Variants in DEPDC5 observed in about 807,000 individuals in gnomAD.
DEPDC5 encodes the protein GATOR1 complex protein DEPDC5.
A neutral mutation model predicts 217.3 loss-of-function variants in DEPDC5; 73 were observed. The ratio of observed to expected loss-of-function variants is 0.34; its 90% CI spans 0.28 to 0.41. The LOEUF is 0.41. DEPDC5 is among the 10% of genes least tolerant of loss of function. The probability of loss-of-function intolerance (pLI) is 1.00; values close to 1 mark genes in which losing one functional copy is unlikely to be tolerated. For synonymous variants in DEPDC5, 733 were observed against 756.7 expected (o/e 0.97, Z 0.51); for missense variants, 1,675 against 2,070.1 (o/e 0.81, Z 3.70).
intron 22 of DEPDC5, among the ~76,000 whole-genome samples, chr22:31,819,443 G>C (rs952786954): frequency 6.6e-6 from 1 of 151,476 alleles, no homozygotes; most frequent in Non-Finnish European, 1.5e-5. Flanking sequence ...AAACCTGAGG[G>C]CTTTTTTGTT....
In DEPDC5 at chr22:31,879,665, C is replaced by G. The variant is rs755051459; in HGVS notation, c.3946C>G (p.Leu1316Val). Residue 1316 changes from leucine to valine, a missense_variant, in exon 38 of 43, where the codon CTG (leucine) becomes GTG (valine). Around this residue, in one of 11 missense-constraint regions of DEPDC5, gnomAD observed 182 missense variants for 290.1 expected, o/e 0.63. Transcript: ENST00000651528. ...GATTCCTGCCTTTCTCCTGCCCTGG[C>G]TGCCTAGCCGGCCAGCCTCCTATGC... is the stretch of plus-strand genomic sequence containing the variant. ...SEIPAFLLPW[L>V]PSRPASYASR... 1.7e-5 allele frequency: 28 copies of G among 1,614,058 alleles called. No individual in the cohort carries two copies. The highest frequency in any genetic ancestry group is 2.3e-5 in the Non-Finnish European group (27 of 1,180,038).
chr22:31,860,831 A>G (rs1199469704), intron 32 of DEPDC5, among the ~76,000 whole-genome samples: 2 of 151,990 alleles, frequency 1.3e-5, no homozygotes, highest in Admixed American at 1.3e-4. Context: ...AGTAACAGGC[A>G]GAAAAAACCT....
intron 35 of DEPDC5, chr22:31,873,789 CTT>C (rs796650383): frequency 6.3e-4 from 72 of 114,710 alleles, no homozygotes; most frequent in South Asian, 2.3e-3. Context: ...ACAACTTCTT[CTT>C]TTTTTTTTTT....
rs201429774 is a variant in DEPDC5, at chr22:31,792,798, T to G, written c.748T>G (p.Phe250Val). 87 of 1,541,140 alleles carry G rather than the reference T, an allele frequency of 5.6e-5. 1 individual carries two copies. In the African/African-American group the frequency reaches 1.0e-3, roughly 19 times the overall value. ...AATTCGACAGGATCACAAGGGGAGA[T>G]TCTATGAAGACTTTTACAAGTATGT... ...ASIRQDHKGRFYEDFYKVVVQ... is the reference protein window; with the variant it reads ...ASIRQDHKGRVYEDFYKVVVQ... The change falls in exon 12 of 43, where the codon TTC becomes GTC. Residue 250 changes from phenylalanine to valine, a missense_variant. By Grantham distance (50) the Phe-to-Val change is conservative. Around this residue, in one of 11 missense-constraint regions of DEPDC5, gnomAD observed 628 missense variants for 762.1 expected, o/e 0.82. Coordinates refer to ENST00000651528, the MANE Select transcript of DEPDC5 (RefSeq NM_001242896.3).
At position 31,821,611 on chromosome 22, in the gene DEPDC5, G is replaced by A; in HGVS notation, c.1980G>A (p.Glu660=). 1.2e-6 allele frequency: 2 copies of A among 1,613,986 alleles called. No individual in the cohort carries two copies. The highest frequency in any genetic ancestry group is 1.7e-6 in the Non-Finnish European group (2 of 1,179,820). The change falls in exon 23 of 43, where the codon GAG becomes GAA. Residue 660 remains glutamate (E), a synonymous_variant. Transcript: ENST00000651528. ...DPTHSSAELL[E]LAYHEAAGRH... The stretch of plus-strand genomic sequence containing the variant: ...CTCACTCCTCTGCAGAGCTGCTGGA[G>A]TTAGCATATCATGAAGCTGCTGGAA...
chr22:31,879,846 G>T, intron 38 of DEPDC5, 94 bp downstream of exon 38: 1 of 1,252,886 alleles, frequency 8.0e-7, no homozygotes, highest in Non-Finnish European at 1.1e-6. Context: ...ACATGAACCA[G>T]GATTAGAGTC....
chr22:31,821,367 C>T (rs560156713), intron 22 of DEPDC5, 135 bp from the exon 23 acceptor site: 2 of 1,269,848 alleles, frequency 1.6e-6, no homozygotes, highest in Non-Finnish European at 2.2e-6. Context: ...TTGGGAGCCA[C>T]CCTCTGTGGT....
At chr22:31,775,184 CTT>C (rs879415250) in intron 7 of DEPDC5, among the ~76,000 whole-genome samples, 1 of 144,676 alleles carries the variant, frequency 6.9e-6, no homozygotes. Context: ...GTCTTCCTTC[CTT>C]TTTTTTTTTT....
At chr22:31,879,043 A>AAAAAAAAT (rs763615141) in intron 37 of DEPDC5, among the ~76,000 whole-genome samples, 38 of 119,452 alleles carry the variant, frequency 3.2e-4, no homozygotes, top group Non-Finnish European at 4.7e-4. Context: ...AAAAAAAAAA[A>AAAAAAAAT]ATATATATAT....
intron 14 of DEPDC5, 24 bp downstream of exon 14, chr22:31,798,680 G>C (rs200044833): frequency 6.2e-7 from 1 of 1,605,284 alleles, no homozygotes. Context: ...CCGGCCATGA[G>C]CCAGCATCTT....
intron 30 of DEPDC5, among the ~76,000 whole-genome samples, chr22:31,846,570 T>G (rs2091750743): frequency 6.6e-6 from 1 of 152,158 alleles, no homozygotes; most frequent in African/African-American, 2.4e-5. Context: ...TTCTGTAAAA[T>G]AGGGCTAACA....
chr22:31,801,596 C>T (rs1435562915), intron 14 of DEPDC5, among the ~76,000 whole-genome samples: 3 of 152,154 alleles, frequency 2.0e-5, no homozygotes, highest in African/African-American at 4.8e-5. Flanking sequence ...AACACCATGT[C>T]GAAGAACCTT....
chr22:31,806,466 T>G (rs1488011533), intron 18 of DEPDC5, among the ~76,000 whole-genome samples: 1 of 152,264 alleles, frequency 6.6e-6, no homozygotes, highest in African/African-American at 2.4e-5. Context: ...ACTTTATAAC[T>G]TTATACATTA....
rs1049942718 is a variant in DEPDC5, at chr22:31,906,831, G to C, written c.*334G>C. On this transcript the variant is annotated 3_prime_UTR_variant, in exon 43 of 43. Transcript: ENST00000651528. This position sits in a 1 kb window ranked among gnomAD's most constrained non-coding sequence, Gnocchi z 5.1. The stretch of plus-strand genomic sequence containing the variant: ...CGGCCCCCATGAATGTCCTCGGAAG[G>C]GGGTGGCTCCTGGTAGCATCCTTTT... 2.6e-5 allele frequency: 11 copies of C among 430,532 alleles called. No individual in the cohort carries two copies. Among genetic ancestry groups the C allele is most frequent in the African/African-American group, 2.0e-4 (10 of 50,650 alleles). 26.7% of individuals were successfully genotyped at this position (430,532 alleles called of 1,614,324 possible). A position where few individuals can be genotyped will look rare whatever the true frequency, so the allele number is the denominator to read the frequency against.
At chr22:31,878,373 G>A (rs1490472825) in intron 37 of DEPDC5, among the ~76,000 whole-genome samples, 2 of 151,958 alleles carry the variant, frequency 1.3e-5, no homozygotes, top group African/African-American at 4.8e-5. Context: ...AACATACCAG[G>A]TTACTGTTAT....
intron 12 of DEPDC5, among the ~76,000 whole-genome samples, chr22:31,793,988 C>T (rs2085967795): frequency 6.6e-6 from 1 of 152,146 alleles, no homozygotes; most frequent in Admixed American, 6.6e-5. Flanking sequence ...TTAAATATCA[C>T]AGCATCCCTG....
At chr22:31,791,662 C>T (rs1242231011) in intron 10 of DEPDC5, among the ~76,000 whole-genome samples, 16 of 146,892 alleles carry the variant, frequency 1.1e-4, no homozygotes, top group African/African-American at 3.3e-4. Context: ...GGCACAGTGG[C>T]TCACACCTGT....
At position 31,834,656 on chromosome 22, in the gene DEPDC5, A is replaced by T. The variant is rs191041426; in HGVS notation, c.2170+676A>T. Among the ~76,000 whole-genome samples the T allele has an allele frequency of 1.3e-4, 20 of 151,988 alleles. No homozygotes were observed. In the East Asian group the frequency reaches 3.9e-3, roughly 30 times the overall value. On this transcript the variant is annotated intron_variant, in intron 25 of 42. Transcript: ENST00000651528. ...CTCAGCCTCTTGAGTAGCTGGGATT[A>T]TAGGCGCGCGCCACCACGCCTGGCT...
At chr22:31,819,714 C>T (rs1304380736) in intron 22 of DEPDC5, among the ~76,000 whole-genome samples, 1 of 152,100 alleles carries the variant, frequency 6.6e-6, no homozygotes, top group Admixed American at 6.5e-5. Flanking sequence ...AAGCAATCTG[C>T]CCACCTTAAC....
Sources: allele counts gnomAD v4.1 joint callset (sites outside exome capture counted in the v4.1 genomes callset), GRCh38; gene constraint gnomAD v4.1.1; regional missense constraint gnomAD v4.1.1; non-coding constraint Gnocchi (gnomAD v3.1); transcripts MANE v1.5; gene names NCBI Gene and HGNC (gene_info 2026-07-23, HGNC 2026-07-21).